Variants in RAPGEF5 observed in about 807,000 individuals in gnomAD.
RAPGEF5 encodes the protein M-Ras-regulated GEF.
A neutral mutation model predicts 125.2 loss-of-function variants in RAPGEF5; 65 were observed. The observed-to-expected ratio is 0.52, with a 90% CI of 0.43 to 0.64. The LOEUF (loss-of-function observed/expected upper bound fraction) is 0.64. RAPGEF5 is among the 30% of genes least tolerant of loss of function. The pLI is 0.00. For synonymous variants in RAPGEF5, 391 were observed against 385.9 expected, an observed-to-expected ratio of 1.01 and a Z score of -0.16; for missense variants, 958 against 1,048.1, an observed-to-expected ratio of 0.91 and a Z score of 1.19.
Position 22,140,135 on chromosome 7 carries a change from A to G in RAPGEF5, c.2187-20T>C, listed in dbSNP as rs1014361509. On this transcript the variant is annotated intron_variant, in intron 20 of 25. Transcript: ENST00000665637. ...TTGCAGCTATAAAATAAAAGAGAGT[A>G]GAGGACACTTTGAGGAAACATTCTT... 2.0e-6 allele frequency: 3 copies of G among 1,535,012 alleles called. No individual in the cohort carries two copies. The highest frequency in any genetic ancestry group is 2.7e-6 in the Non-Finnish European group (3 of 1,131,688).
At chr7:22,144,675 A>T (rs1204293720) in intron 20 of RAPGEF5, among the ~76,000 whole-genome samples, 1 of 152,160 alleles carries the variant, frequency 6.6e-6, no homozygotes, top group Non-Finnish European at 1.5e-5. Flanking sequence ...CAGGTCCTAC[A>T]ATGCACCTGA....
chr7:22,136,855 C>T (rs1011856197), intron 22 of RAPGEF5, 78 bp downstream of exon 22: 2 of 1,229,244 alleles, frequency 1.6e-6, no homozygotes, highest in Non-Finnish European at 2.3e-6. Context: ...GTACAAATAC[C>T]ACCCACTATA....
intron 7 of RAPGEF5, among the ~76,000 whole-genome samples, chr7:22,265,291 C>G (rs1782256445): frequency 6.6e-6 from 1 of 152,148 alleles, no homozygotes; most frequent in African/African-American, 2.4e-5. Flanking sequence ...TAGCAACCAT[C>G]ATTCTACTCT....
intron 1 of RAPGEF5, among the ~76,000 whole-genome samples, chr7:22,325,144 A>G (rs1330032881): frequency 1.3e-5 from 2 of 152,164 alleles, no homozygotes; most frequent in African/African-American, 4.8e-5. Context: ...TGAGCCTCCC[A>G]TGATTAATCT....
intron 7 of RAPGEF5, among the ~76,000 whole-genome samples, chr7:22,261,428 C>T (rs1047861114): frequency 2.0e-5 from 3 of 151,966 alleles, no homozygotes; most frequent in African/African-American, 7.3e-5. Flanking sequence ...AGCAAAACCC[C>T]TCTCTACCAA....
chr7:22,218,508 T>A (rs1785695883), intron 9 of RAPGEF5, among the ~76,000 whole-genome samples: 1 of 152,198 alleles, frequency 6.6e-6, no homozygotes, highest in South Asian at 2.1e-4. Flanking sequence ...TGTTTTCATA[T>A]CATCAATTGT....
chr7:22,161,014 G>A (rs1017929219), intron 13 of RAPGEF5, among the ~76,000 whole-genome samples: 1 of 146,194 alleles, frequency 6.8e-6, no homozygotes, highest in African/African-American at 2.6e-5. Flanking sequence ...GCCTAACACA[G>A]TGAAACCCCG....
chr7:22,246,323 A>G (rs1433893350), intron 7 of RAPGEF5, among the ~76,000 whole-genome samples: 1 of 152,218 alleles, frequency 6.6e-6, no homozygotes, highest in East Asian at 1.9e-4. Context: ...ACTGACTTCA[A>G]ACTATATTAT....
intron 14 of RAPGEF5, among the ~76,000 whole-genome samples, chr7:22,159,543 G>A (rs565189162): frequency 8.5e-5 from 13 of 152,304 alleles, no homozygotes; most frequent in African/African-American, 3.1e-4. Flanking sequence ...AATAGAAACT[G>A]CACTGTGAAT....
intron 11 of RAPGEF5, among the ~76,000 whole-genome samples, chr7:22,188,193 G>C (rs1206542194): frequency 6.6e-6 from 1 of 152,154 alleles, no homozygotes; most frequent in East Asian, 1.9e-4. Context: ...GGGTTATTAT[G>C]GTCTGGCAAC....
intron 9 of RAPGEF5, among the ~76,000 whole-genome samples, chr7:22,200,312 A>G (rs1785247405): frequency 6.6e-6 from 1 of 152,228 alleles, no homozygotes; most frequent in African/African-American, 2.4e-5. Flanking sequence ...AAAAGTAAAC[A>G]GATGTTTTTT....
At chr7:22,205,687 A>G (rs1233074149) in intron 9 of RAPGEF5, among the ~76,000 whole-genome samples, 1 of 152,206 alleles carries the variant, frequency 6.6e-6, no homozygotes, top group Admixed American at 6.5e-5. Context: ...TGGTATTTCT[A>G]AGAGTTCAAG....
At position 22,239,628 on chromosome 7, in the gene RAPGEF5, A is replaced by G. The variant is rs567257983; in HGVS notation, c.797-8709T>C. Among the ~76,000 whole-genome samples the G allele has an allele frequency of 2.2e-3, 327 of 147,386 alleles. 1 individual carries two copies. The highest frequency in any genetic ancestry group is 7.7e-3 in the African/African-American group (312 of 40,288). On this transcript the variant is annotated intron_variant, in intron 7 of 25. Transcript: ENST00000665637. ...GAGAGGACTCCATTTCAACTCTTAC[A>G]TCTTTTTTTTTTTAATAGCTAAGAC...
chr7:22,310,197 G>A, intron 3 of RAPGEF5, 107 bp from the exon 4 acceptor site: 9 of 1,210,950 alleles, frequency 7.4e-6, no homozygotes, highest in Non-Finnish European at 9.6e-6. Flanking sequence ...GCTTTTTTTA[G>A]ACAAGCAACC....
intron 9 of RAPGEF5, among the ~76,000 whole-genome samples, chr7:22,200,553 A>T (rs1221174620): frequency 6.6e-6 from 1 of 152,218 alleles, no homozygotes; most frequent in African/African-American, 2.4e-5. Context: ...CTCTAATGAA[A>T]GCCCAAACAA....
intron 7 of RAPGEF5, among the ~76,000 whole-genome samples, chr7:22,233,237 G>C (rs566276624): frequency 1.3e-5 from 2 of 152,174 alleles, no homozygotes; most frequent in African/African-American, 2.4e-5. Flanking sequence ...TCCTCATCCT[G>C]GAATGCAGAG....
chr7:22,317,972 A>G lies in RAPGEF5; in HGVS notation c.282+15T>C. 1 of 1,547,858 alleles carries G rather than the reference A, an allele frequency of 6.5e-7. No individual in the cohort carries two copies. The highest frequency in any genetic ancestry group is 8.7e-7 in the Non-Finnish European group (1 of 1,146,392). ...ACTATTTCAGAAAAGGCAGTAAAAGAGAAAGGAATCATACCTGGGAAGGCG... is the reference window on the plus strand; with the variant it reads ...ACTATTTCAGAAAAGGCAGTAAAAGGGAAAGGAATCATACCTGGGAAGGCG... On this transcript the variant is annotated intron_variant, in intron 2 of 25. Transcript: ENST00000665637.
chr7:22,207,226 C>G (rs1009021303), intron 9 of RAPGEF5, among the ~76,000 whole-genome samples: 1 of 152,168 alleles, frequency 6.6e-6, no homozygotes, highest in African/African-American at 2.4e-5. Context: ...AAAACTAGCA[C>G]AAGCTTTTTG....
intron 11 of RAPGEF5, among the ~76,000 whole-genome samples, chr7:22,189,147 T>C (rs1784914022): frequency 1.3e-5 from 2 of 151,416 alleles, no homozygotes; most frequent in Admixed American, 1.3e-4. Context: ...TACTATTCTA[T>C]TCTCTGTTGG....
Sources: gnomAD v4.1 joint callset for allele counts (sites outside exome capture counted in the v4.1 genomes callset) on GRCh38, gnomAD v4.1.1 for gene constraint, MANE v1.5 for transcripts, NCBI Gene and HGNC (gene_info 2026-07-23, HGNC 2026-07-21) for gene names.